The following BCL2L1 variants were observed in gnomAD, a reference collection of about 807,000 sequenced individuals.
BCL2L1 encodes the protein BCL2 like 1, also known as bcl-2-like protein 1.
In BCL2L1, 1 loss-of-function variant was observed where a neutral mutation model predicts 18.7. The ratio of observed to expected loss-of-function variants is 0.05; its 90% CI spans 0.02 to 0.25. BCL2L1 has a LOEUF of 0.25. Ranked by LOEUF, BCL2L1 falls within the 10% of genes least tolerant of loss-of-function variation. BCL2L1 has a pLI of 1.00. For missense variants in BCL2L1, 207 were observed against 304.9 expected, an observed-to-expected ratio of 0.68 and a Z score of 2.39; for synonymous variants, 103 against 122.7, an observed-to-expected ratio of 0.84 and a Z score of 1.06.
At chr20:31,685,936 C>T (rs1285242881) in intron 2 of BCL2L1, among the ~76,000 whole-genome samples, 1 of 152,122 alleles carries the variant, frequency 6.6e-6, no homozygotes, top group Non-Finnish European at 1.5e-5. Flanking sequence ...CTCTAGGAGG[C>T]CTTTGGCATT....
intron 2 of BCL2L1, among the ~76,000 whole-genome samples, chr20:31,706,118 G>A (rs1350781540): frequency 6.6e-6 from 1 of 152,156 alleles, no homozygotes; most frequent in Non-Finnish European, 1.5e-5. Context: ...TAGAACAAGA[G>A]GCAGTTGTTC....
At chr20:31,670,574 G>A (rs907294262) in intron 2 of BCL2L1, among the ~76,000 whole-genome samples, 117 of 152,318 alleles carry the variant, frequency 7.7e-4, no homozygotes, top group African/African-American at 2.7e-3. Context: ...CTGGGTGGAG[G>A]GAACATTCTC....
At chr20:31,688,668 T>TC (rs887712164) in intron 2 of BCL2L1, among the ~76,000 whole-genome samples, 4 of 151,834 alleles carry the variant, frequency 2.6e-5, no homozygotes, top group South Asian at 2.1e-4. Context: ...TAGGGATTCA[T>TC]CCCCCCCAGA....
At chr20:31,683,933 T>C (rs896082172) in intron 2 of BCL2L1, among the ~76,000 whole-genome samples, 1 of 152,178 alleles carries the variant, frequency 6.6e-6, no homozygotes, top group Non-Finnish European at 1.5e-5. Flanking sequence ...ATTCTTCCTA[T>C]AAAGAGTATC....
upstream of BCL2L1, chr20:31,723,180 G>A (rs985424266): frequency 6.1e-6 from 4 of 658,528 alleles, no homozygotes; most frequent in African/African-American, 5.9e-5. Flanking sequence ...TGTCTGTGAT[G>A]TTGAAGGCCG....
chr20:31,715,700 C>G (rs938676295), intron 2 of BCL2L1, among the ~76,000 whole-genome samples: 1 of 152,132 alleles, frequency 6.6e-6, no homozygotes, highest in Non-Finnish European at 1.5e-5. Flanking sequence ...TGAGAAACTG[C>G]AGACATAAGA....
chr20:31,675,502 C>G (rs909221586), intron 2 of BCL2L1, among the ~76,000 whole-genome samples: 3 of 152,148 alleles, frequency 2.0e-5, no homozygotes, highest in Non-Finnish European at 1.5e-5. Flanking sequence ...GGCGGAGACT[C>G]GGAAGAAGTG....
intron 2 of BCL2L1, among the ~76,000 whole-genome samples, chr20:31,717,503 G>C (rs1395367109): frequency 6.6e-6 from 1 of 152,194 alleles, no homozygotes; most frequent in Non-Finnish European, 1.5e-5. Flanking sequence ...AGAATTTTAA[G>C]AGCAACCTCA....
chr20:31,718,715 C>T (rs935220520), intron 2 of BCL2L1, among the ~76,000 whole-genome samples: 2 of 152,040 alleles, frequency 1.3e-5, no homozygotes, highest in Non-Finnish European at 2.9e-5. Context: ...AACCCTGATG[C>T]CCACTTGAAA....
intron 2 of BCL2L1, among the ~76,000 whole-genome samples, chr20:31,721,117 T>C (rs2061620245): frequency 6.6e-6 from 1 of 152,216 alleles, no homozygotes. Flanking sequence ...CTCCTGCCTA[T>C]GGCCATGCCC....
rs2060569868 is a variant in BCL2L1, at chr20:31,665,234, G to C, written c.*715C>G. The C allele has an allele frequency of 6.1e-6, 1 of 164,826 alleles. No homozygotes were observed. The highest frequency in any genetic ancestry group is 1.3e-5 in the Non-Finnish European group (1 of 74,932). The allele number at this position is 164,826 out of a possible 1,614,324, so 10.2% of individuals were successfully genotyped here. A position where few individuals can be genotyped will look rare whatever the true frequency, so the allele number is the denominator to read the frequency against. On this transcript the variant is annotated 3_prime_UTR_variant, in exon 3 of 3. Transcript: ENST00000307677. ...GAGGGGAAGGGACTAGGGTGGTGCT[G>C]AACTGCAAGGGCCACCCTAGCTTTG... is the stretch of plus-strand genomic sequence containing the variant.
chr20:31,723,932 C>T, upstream of BCL2L1: 1 of 985,460 alleles, frequency 1.0e-6, no homozygotes, highest in Non-Finnish European at 1.2e-6. Context: ...GACAGGGGAA[C>T]TTGCAAGCTC....
chr20:31,668,845 T>C (rs1268719849), intron 2 of BCL2L1, among the ~76,000 whole-genome samples: 2 of 151,862 alleles, frequency 1.3e-5, no homozygotes, highest in Admixed American at 6.6e-5. Flanking sequence ...CCTCAGGTGA[T>C]CTGCTCACCT....
chr20:31,723,532 G>A (rs2061670146), upstream of BCL2L1: 8 of 984,876 alleles, frequency 8.1e-6, no homozygotes, highest in South Asian at 1.4e-4. Context: ...ACTAGGCCGG[G>A]TACCCGCCGA....
At chr20:31,709,381 T>G (rs2061417467) in intron 2 of BCL2L1, among the ~76,000 whole-genome samples, 1 of 152,030 alleles carries the variant, frequency 6.6e-6, no homozygotes, top group African/African-American at 2.4e-5. Flanking sequence ...TGTGTGTGTG[T>G]GGCAGAGTCT....
chr20:31,707,778 CA>C (rs553742099), intron 2 of BCL2L1, among the ~76,000 whole-genome samples: 1,695 of 60,882 alleles, frequency 0.028, 13 homozygotes, highest in African/African-American at 0.084. Context: ...AACTCTGTCT[CA>C]AAAAAAAAAA....
chr20:31,712,147 A>G (rs1469605262), intron 2 of BCL2L1, among the ~76,000 whole-genome samples: 1 of 152,230 alleles, frequency 6.6e-6, no homozygotes, highest in East Asian at 1.9e-4. Context: ...TTGTTGGGAT[A>G]GTAACAAAAA....
chr20:31,678,765 C>T (rs570121399), intron 2 of BCL2L1, among the ~76,000 whole-genome samples: 4 of 152,302 alleles, frequency 2.6e-5, no homozygotes, highest in African/African-American at 4.8e-5. Context: ...ACCCCAGCAC[C>T]GCCTCCAACT....
intron 2 of BCL2L1, chr20:31,713,145 A>C: frequency 1.8e-6 from 1 of 570,846 alleles, no homozygotes; most frequent in Non-Finnish European, 2.2e-6. Flanking sequence ...CTCCAGGGGA[A>C]GTCCAGGACT....
Sources: allele counts gnomAD v4.1 joint callset (sites outside exome capture counted in the v4.1 genomes callset), GRCh38; gene constraint gnomAD v4.1.1; transcripts MANE v1.5; gene names NCBI Gene and HGNC (gene_info 2026-07-23, HGNC 2026-07-21).